TSNARE1: variants seen among roughly 807,000 people sequenced by gnomAD.
TSNARE1 encodes the protein t-SNARE domain containing 1.
In TSNARE1, 49 loss-of-function variants were observed where a neutral mutation model predicts 62.0. That is an observed-to-expected ratio of 0.79 (90% CI 0.63 to 1.00). TSNARE1 has a LOEUF of 1.00. TSNARE1 is among the 50% of genes least tolerant of loss of function. The pLI is 0.00. For synonymous variants in TSNARE1, 328 were observed against 294.4 expected, an observed-to-expected ratio of 1.11 and a Z score of -1.17; for missense variants, 755 against 700.1, an observed-to-expected ratio of 1.08 and a Z score of -0.88.
At chr8:142,272,867 C>T in intron 12 of TSNARE1, 1 of 984,520 alleles carries the variant, frequency 1.0e-6, no homozygotes, top group Non-Finnish European at 1.2e-6. Flanking sequence ...TCACAGATGC[C>T]TCAACCCTCC....
At chr8:142,272,900 C>T in intron 12 of TSNARE1, 3 of 984,942 alleles carry the variant, frequency 3.0e-6, no homozygotes, top group Non-Finnish European at 2.4e-6. Context: ...GAAGGCCCCT[C>T]GCAGGCAGGT....
In TSNARE1 at chr8:142,306,582, G is replaced by C. The variant is rs547417334; in HGVS notation, c.1132-5938C>G. Among the ~76,000 whole-genome samples the C allele has an allele frequency of 2.0e-5, 3 of 152,340 alleles. No individual in the cohort carries two copies. The East Asian group carries it at 5.8e-4, about 29-fold the overall frequency. On this transcript the variant is annotated intron_variant, in intron 9 of 13. Transcript: ENST00000524325. ...AGCTGCTCACCCCACACCCAGGGGAGACAGGCAAGAGACGGGGAAGGCAGC... is the reference window on the plus strand; with the variant it reads ...AGCTGCTCACCCCACACCCAGGGGACACAGGCAAGAGACGGGGAAGGCAGC...
intron 2 of TSNARE1, among the ~76,000 whole-genome samples, chr8:142,347,139 C>A (rs1055774073): frequency 1.3e-5 from 2 of 152,242 alleles, no homozygotes; most frequent in African/African-American, 4.8e-5. Context: ...GAGAAGCCTG[C>A]AGAAGGACGG....
rs113282142 is a variant in TSNARE1, at chr8:142,326,631, T to A, written c.893+4270A>T. Among the ~76,000 whole-genome samples the A allele has an allele frequency of 2.1e-4, 14 of 68,100 alleles. 1 individual carries two copies. Among genetic ancestry groups the A allele is most frequent in the Non-Finnish European group, 3.8e-4 (14 of 36,568 alleles). The allele number at this position is 68,100 out of a possible 152,430, so 44.7% of individuals were successfully genotyped here. A position where few individuals can be genotyped will look rare whatever the true frequency, so the allele number is the denominator to read the frequency against. On this transcript the variant is annotated intron_variant, in intron 6 of 13. Transcript: ENST00000524325. ...CGAAGGGGAGGGGCCCCGGAGAGCATGAGACGGATGAGGAACCAGCACCAG... is the reference window on the plus strand; with the variant it reads ...CGAAGGGGAGGGGCCCCGGAGAGCAAGAGACGGATGAGGAACCAGCACCAG...
chr8:142,387,885 A>G (rs1396924862), intron 1 of TSNARE1, among the ~76,000 whole-genome samples: 1 of 152,232 alleles, frequency 6.6e-6, no homozygotes, highest in Non-Finnish European at 1.5e-5. Flanking sequence ...CATAAGAAAT[A>G]TAACTTCTAT....
chr8:142,288,602 G>A (rs372964236), intron 10 of TSNARE1, among the ~76,000 whole-genome samples: 3 of 152,364 alleles, frequency 2.0e-5, no homozygotes, highest in Admixed American at 6.5e-5. Flanking sequence ...GACAGGAGCC[G>A]GCACTCGCGG....
intron 1 of TSNARE1, among the ~76,000 whole-genome samples, chr8:142,399,954 G>A (rs1341995832): frequency 2.0e-5 from 3 of 152,188 alleles, no homozygotes; most frequent in Non-Finnish European, 4.4e-5. Flanking sequence ...CAGCACTCCG[G>A]GAGGCTGAGG....
chr8:142,367,884 A>G (rs1280864605), intron 1 of TSNARE1, among the ~76,000 whole-genome samples: 2 of 152,224 alleles, frequency 1.3e-5, no homozygotes, highest in East Asian at 3.8e-4. Context: ...CTGCTTAGAC[A>G]TTTGGAAAAA....
chr8:142,228,994 G>C (rs1362673345), intron 13 of TSNARE1, among the ~76,000 whole-genome samples: 1 of 151,932 alleles, frequency 6.6e-6, no homozygotes, highest in Non-Finnish European at 1.5e-5. Context: ...ATGGACAGAT[G>C]GTGGATAGAT....
rs1042856062 is a variant in TSNARE1 at position 142,291,294 on chromosome 8, C to T, written c.1291-6809G>A. Among the ~76,000 whole-genome samples the T allele has an allele frequency of 3.3e-5, 5 of 151,950 alleles. No individual in the cohort carries two copies. The highest frequency in any genetic ancestry group is 7.4e-5 in the Non-Finnish European group (5 of 68,004). On this transcript the variant is annotated intron_variant, in intron 10 of 13. Transcript: ENST00000524325. The surrounding 1 kb of genome is among the most constrained non-coding windows in gnomAD (Gnocchi z 4.8). ...TGTGCTGGAGTAGGGCACCTGGGCT[C>T]GAATCCCAGCTCCATGGCGTGTGAG... is the stretch of plus-strand genomic sequence containing the variant.
At chr8:142,222,743 C>CTCAT (rs1451487797) in intron 13 of TSNARE1, among the ~76,000 whole-genome samples, 4,346 of 83,142 alleles carry the variant, frequency 0.052, 352 homozygotes, top group African/African-American at 0.092. Context: ...CACTCACTCA[C>CTCAT]TCACTCATCC....
intron 11 of TSNARE1, chr8:142,278,126 C>T (rs1820797384): frequency 1.0e-6 from 1 of 985,186 alleles, no homozygotes; most frequent in African/African-American, 1.7e-5. Context: ...CCAGGCCCAT[C>T]CCCCAAGCCC....
chr8:142,282,554 G>T (rs1198232169), intron 11 of TSNARE1, among the ~76,000 whole-genome samples: 1 of 151,668 alleles, frequency 6.6e-6, no homozygotes, highest in Non-Finnish European at 1.5e-5. Context: ...GCAGAGGCGG[G>T]ACCAGTGTCT....
intron 12 of TSNARE1, chr8:142,273,726 C>A (rs1345255149): frequency 1.0e-6 from 1 of 985,322 alleles, no homozygotes; most frequent in Non-Finnish European, 1.2e-6. Context: ...CTGGGTCCCA[C>A]TGGGGAAGCT....
At chr8:142,380,593 T>C (rs571035947) in intron 1 of TSNARE1, among the ~76,000 whole-genome samples, 6 of 151,008 alleles carry the variant, frequency 4.0e-5, no homozygotes, top group Admixed American at 3.9e-4. Flanking sequence ...AGCCAGACTG[T>C]AGGCTCCCTG....
At chr8:142,322,282 G>C (rs148898672) in intron 6 of TSNARE1, among the ~76,000 whole-genome samples, 12 of 152,324 alleles carry the variant, frequency 7.9e-5, no homozygotes, top group Admixed American at 7.8e-4. Flanking sequence ...ACCTGATACA[G>C]AGAGGCTGTT....
intron 1 of TSNARE1, among the ~76,000 whole-genome samples, chr8:142,370,825 G>A (rs1454321470): frequency 6.7e-6 from 1 of 150,104 alleles, no homozygotes; most frequent in East Asian, 2.0e-4. Context: ...CATCTTTAAA[G>A]TGCTGGGAGG....
intron 1 of TSNARE1, among the ~76,000 whole-genome samples, chr8:142,359,355 G>A (rs1018950122): frequency 1.9e-4 from 29 of 152,096 alleles, no homozygotes; most frequent in South Asian, 4.1e-4. Context: ...ACGCTGGCCC[G>A]GTCCAGTGCA....
intron 6 of TSNARE1, among the ~76,000 whole-genome samples, chr8:142,322,792 A>G (rs540884058): frequency 6.6e-6 from 1 of 152,088 alleles, no homozygotes; most frequent in African/African-American, 2.4e-5. Flanking sequence ...ATTGTTATGA[A>G]AGGCCGGCCT....
Sources: allele counts gnomAD v4.1 joint callset (sites outside exome capture counted in the v4.1 genomes callset), GRCh38; gene constraint gnomAD v4.1.1; non-coding constraint Gnocchi (gnomAD v3.1); transcripts MANE v1.5; gene names NCBI Gene and HGNC (gene_info 2026-07-23, HGNC 2026-07-21).